The following NISCH variants were observed in gnomAD, a reference collection of about 807,000 sequenced individuals.
NISCH encodes the protein nischarin.
In NISCH, 55 loss-of-function variants were observed where a neutral mutation model predicts 138.4. That is an observed-to-expected ratio of 0.40 (90% CI 0.32 to 0.50). The LOEUF (loss-of-function observed/expected upper bound fraction) is 0.50, where lower values mean the gene tolerates loss of function less well. NISCH is among the 20% of genes least tolerant of loss of function. The pLI is 0.71. For synonymous variants in NISCH, 860 were observed against 861.5 expected (o/e 1.00, Z 0.03); for missense variants, 1,643 against 2,005.5 (o/e 0.82, Z 3.45).
Position 52,487,588 on chromosome 3 carries a change from A to G in NISCH, c.2096A>G (p.Asp699Gly). 6.2e-7 allele frequency: 1 copy of G among 1,613,596 alleles called. No individual in the cohort carries two copies. The highest frequency in any genetic ancestry group is 1.1e-5 in the South Asian group (1 of 91,078). Residue 699 changes from aspartate to glycine, a missense_variant, in exon 16 of 21, where the codon GAC becomes GGC. Transcript: ENST00000345716. This position sits in a 1 kb window ranked among gnomAD's most constrained non-coding sequence, Gnocchi z 9.1. ...GAATGGGCCCTGGGCGCGGACGAGG[A>G]CTTCCTGCTGGAGCACATCCGCATC... ...ALEWALGADE[D>G]FLLEHIRILK...
chr3:52,472,197 T>C, intron 5 of NISCH, 106 bp from the exon 6 acceptor site: 1 of 1,164,340 alleles, frequency 8.6e-7, no homozygotes, highest in Non-Finnish European at 1.3e-6. Context: ...GCCTGCTTTG[T>C]TGAAGACAGA....
chr3:52,467,927 T>TC (rs1403875991), intron 3 of NISCH, among the ~76,000 whole-genome samples: 1 of 152,176 alleles, frequency 6.6e-6, no homozygotes, highest in East Asian at 1.9e-4. Context: ...TGATTTTTTT[T>TC]CTCTGTGTTC....
intron 3 of NISCH, among the ~76,000 whole-genome samples, chr3:52,464,618 G>A (rs545716256): frequency 1.4e-5 from 2 of 142,478 alleles, no homozygotes; most frequent in South Asian, 4.5e-4. Context: ...TCCACCCCTG[G>A]GGTTCAAGCG....
chr3:52,483,812 G>C (rs891437015), intron 13 of NISCH, among the ~76,000 whole-genome samples: 8 of 152,360 alleles, frequency 5.3e-5, no homozygotes, highest in Middle Eastern at 3.4e-3. Flanking sequence ...AATGCTCCAG[G>C]AGTGAACACA....
rs774681771 is a variant in NISCH, at chr3:52,457,943, G to C, written c.177+17G>C. ...CATGAAAAGGTAACTGTTAAGAGCT[G>C]GGAGCACGTATCTCAGGGCTGGGGG... On this transcript the variant is annotated intron_variant, in intron 2 of 20. Coordinates refer to ENST00000345716, the MANE Select transcript of NISCH (RefSeq NM_007184.4). The C allele has an allele frequency of 6.3e-7, 1 of 1,588,398 alleles. No individual in the cohort carries two copies. The highest frequency in any genetic ancestry group is 8.6e-7 in the Non-Finnish European group (1 of 1,158,082).
Position 52,460,965 on chromosome 3 carries a change from G to T in NISCH, c.360+2121G>T, listed in dbSNP as rs561113575. Among the ~76,000 whole-genome samples the T allele has an allele frequency of 7.9e-5, 12 of 152,262 alleles. No homozygotes were observed. The East Asian group carries it at 2.3e-3, about 29-fold the overall frequency. On this transcript the variant is annotated intron_variant, in intron 3 of 20. Coordinates refer to ENST00000345716, the MANE Select transcript of NISCH (RefSeq NM_007184.4). ...TAAAATACAACTTTCTTGGCCAGGT[G>T]CAGTGGCTCACGCCTGTAATCCCAG...
intron 3 of NISCH, among the ~76,000 whole-genome samples, chr3:52,463,093 A>T (rs1404864138): frequency 6.6e-6 from 1 of 152,216 alleles, no homozygotes. Flanking sequence ...AGGAACCTGT[A>T]CCTGTTAGCA....
intron 6 of NISCH, among the ~76,000 whole-genome samples, chr3:52,472,763 A>G (rs1706989009): frequency 6.6e-6 from 1 of 152,228 alleles, no homozygotes; most frequent in Non-Finnish European, 1.5e-5. Flanking sequence ...GTATTTCCCA[A>G]GGCCGATTGG....
At chr3:52,466,462 G>T (rs563755040) in intron 3 of NISCH, among the ~76,000 whole-genome samples, 1 of 151,496 alleles carries the variant, frequency 6.6e-6, no homozygotes, top group Admixed American at 6.6e-5. Context: ...CTACTCCAGA[G>T]ACTCAGGCAG....
chr3:52,480,910 C>G (rs552397673), intron 13 of NISCH: 2 of 1,534,608 alleles, frequency 1.3e-6, no homozygotes, highest in African/African-American at 2.7e-5. Context: ...TGAAGCAGGT[C>G]TCATGAGCGT....
chr3:52,462,827 G>A (rs528205880), intron 3 of NISCH, among the ~76,000 whole-genome samples: 1 of 151,982 alleles, frequency 6.6e-6, no homozygotes, highest in Non-Finnish European at 1.5e-5. Context: ...TAGTAGAGAC[G>A]GGGTTTCACT....
intron 1 of NISCH, 65 bp downstream of exon 1, chr3:52,455,799 GC>G (rs940151703): frequency 8.5e-7 from 1 of 1,181,250 alleles, no homozygotes; most frequent in African/African-American, 1.6e-5. Context: ...CGACTCGGGG[GC>G]TTGGGGAGGG....
At chr3:52,489,312 TATG>T (rs1707497109) in intron 16 of NISCH, 21 bp from the exon 17 acceptor site, 2 of 1,600,808 alleles carry the variant, frequency 1.2e-6, no homozygotes, top group Non-Finnish European at 8.5e-7. Context: ...CCGCTGTTAA[TATG>T]GTGTTTTTCG....
chr3:52,485,826 A>G lies in NISCH; in HGVS notation c.1702A>G (p.Ser568Gly), dbSNP rs1165630414. The change falls in exon 15 of 21, where the codon AGC becomes GGC. Residue 568 changes from serine (S) to glycine (G), a missense_variant and splice_region_variant. Ser to Gly is a moderately conservative substitution (Grantham distance 56, BLOSUM62 0). Coordinates refer to ENST00000345716, the MANE Select transcript of NISCH (RefSeq NM_007184.4). ...CGTGCCAGGAGCTGTTGGTGGTGCA[A>G]GGTAAGGAAGAGGTTGGAAAGGGAC... Reference protein sequence around the residue: ...RDVPGAVGGASPEHAEPEVQV... With the variant: ...RDVPGAVGGAGPEHAEPEVQV... The G allele has an allele frequency of 6.3e-7, 1 of 1,577,000 alleles. No individual in the cohort carries two copies. Among genetic ancestry groups the G allele is most frequent in the Admixed American group, 1.8e-5 (1 of 55,252 alleles).
chr3:52,463,108 C>T (rs903259076), intron 3 of NISCH, among the ~76,000 whole-genome samples: 1 of 152,188 alleles, frequency 6.6e-6, no homozygotes, highest in African/African-American at 2.4e-5. Flanking sequence ...TTAGCAGGAG[C>T]TTCCCATCCC....
chr3:52,480,716 G>A, intron 13 of NISCH: 2 of 1,419,792 alleles, frequency 1.4e-6, no homozygotes, highest in Non-Finnish European at 1.8e-6. Flanking sequence ...GGAAAAGCTT[G>A]CTTTTATCAC....
chr3:52,479,913 A>G (rs1707218736), intron 12 of NISCH, 51 bp downstream of exon 12: 1 of 1,460,220 alleles, frequency 6.8e-7, no homozygotes, highest in African/African-American at 1.4e-5. Context: ...CAGCCGGGAT[A>G]GGAGCCAGTT....
At chr3:52,472,536 G>C in intron 6 of NISCH, 138 bp downstream of exon 6, 1 of 725,152 alleles carries the variant, frequency 1.4e-6, no homozygotes. Context: ...CTGCGTAGGT[G>C]ACCAGGCCCT....
At chr3:52,480,365 G>A (rs538855935) in intron 13 of NISCH, 70 bp downstream of exon 13, 8 of 1,592,754 alleles carry the variant, frequency 5.0e-6, no homozygotes, top group Admixed American at 3.5e-5. Flanking sequence ...CTGGGCTGGG[G>A]TTGGGGGAGA....
Sources: allele counts gnomAD v4.1 joint callset (sites outside exome capture counted in the v4.1 genomes callset), GRCh38; gene constraint gnomAD v4.1.1; non-coding constraint Gnocchi (gnomAD v3.1); transcripts MANE v1.5; gene names NCBI Gene and HGNC (gene_info 2026-07-23, HGNC 2026-07-21).